Variants in TENM3 observed in about 807,000 individuals in gnomAD.
The protein encoded by TENM3 is teneurin-3.
In TENM3, 63 loss-of-function variants were observed where a neutral mutation model predicts 255.1. The observed-to-expected ratio is 0.25, with a 90% CI of 0.20 to 0.30. The LOEUF is 0.30. Ranked by LOEUF, TENM3 falls within the 10% of genes least tolerant of loss-of-function variation. The probability of loss-of-function intolerance (pLI) is 1.00; values close to 1 mark genes in which losing one functional copy is unlikely to be tolerated. For missense variants in TENM3, 2,929 were observed against 3,461.1 expected, an observed-to-expected ratio of 0.85 and a Z score of 3.86; for synonymous variants, 1,306 against 1,322.3, an observed-to-expected ratio of 0.99 and a Z score of 0.27.
At chr4:182,311,775 G>T (rs1240684431) in intron 1 of TENM3, among the ~76,000 whole-genome samples, 1 of 152,178 alleles carries the variant, frequency 6.6e-6, no homozygotes, top group East Asian at 1.9e-4. Context: ...AATATGCCCA[G>T]CACTTAGGGA....
chr4:182,441,983 AAG>A (rs1772527373), intron 3 of TENM3, among the ~76,000 whole-genome samples: 1 of 152,198 alleles, frequency 6.6e-6, no homozygotes. Context: ...AAGGCAGGAA[AAG>A]AGTATTTACG....
the TENM3 span, among the ~76,000 whole-genome samples, chr4:181,676,140 T>G: frequency 6.6e-6 from 1 of 152,134 alleles, no homozygotes; most frequent in Non-Finnish European, 1.5e-5. Flanking sequence ...AGGGTAGTTT[T>G]GAGCTTCAAA....
At chr4:182,362,104 G>A (rs751342035) in intron 3 of TENM3, among the ~76,000 whole-genome samples, 24 of 152,272 alleles carry the variant, frequency 1.6e-4, no homozygotes, top group Non-Finnish European at 2.2e-4. Flanking sequence ...GTACCCGGCC[G>A]TTTGAGGTGT....
chr4:182,667,698 T>C (rs1037953192), intron 6 of TENM3, among the ~76,000 whole-genome samples: 3 of 151,852 alleles, frequency 2.0e-5, no homozygotes, highest in Admixed American at 2.0e-4. Context: ...GTGTTCTTGG[T>C]AGTCATGAAA....
At chr4:181,962,594 CG>C in the TENM3 span, among the ~76,000 whole-genome samples, 1 of 152,104 alleles carries the variant, frequency 6.6e-6, no homozygotes, top group African/African-American at 2.4e-5. Context: ...CTTAAGAGCT[CG>C]TCGTATTATC....
chr4:182,426,849 T>A (rs1771261927), intron 3 of TENM3, among the ~76,000 whole-genome samples: 1 of 152,154 alleles, frequency 6.6e-6, no homozygotes, highest in East Asian at 1.9e-4. Flanking sequence ...TTCCCAGTCT[T>A]TCCAGACAGA....
intron 1 of TENM3, among the ~76,000 whole-genome samples, chr4:182,216,474 C>T (rs1044138421): frequency 3.3e-5 from 5 of 152,278 alleles, no homozygotes; most frequent in Non-Finnish European, 5.9e-5. Flanking sequence ...TCCTGAAAAG[C>T]AGAAATCATC....
the TENM3 span, among the ~76,000 whole-genome samples, chr4:181,553,335 T>TAC: frequency 2.2e-3 from 309 of 141,008 alleles, 3 homozygotes; most frequent in African/African-American, 7.4e-3. Flanking sequence ...TATATATATA[T>TAC]ACACACACAC....
intron 22 of TENM3, among the ~76,000 whole-genome samples, chr4:182,762,387 T>C (rs184401052): frequency 2.2e-4 from 34 of 152,246 alleles, no homozygotes; most frequent in African/African-American, 8.2e-4. Context: ...CCTTACACGG[T>C]GATTGTCAGA....
Position 182,792,970 on chromosome 4 carries a change from T to C in TENM3, c.6298T>C (p.Tyr2100His). The part of the protein sequence containing the change: ...IQYEIFRSLM[Y>H]WITIQYDNMG... Reference sequence around the variant, plus strand: ...ATATGAGATATTCAGGTCGCTCATGTACTGGATTACAATTCAGTATGATAA... The same window carrying C: ...ATATGAGATATTCAGGTCGCTCATGCACTGGATTACAATTCAGTATGATAA... The change falls in exon 26 of 28, where the codon TAC (tyrosine) becomes CAC (histidine). Residue 2100 changes from tyrosine (Y) to histidine (H), a missense_variant. Around this residue, in one of 6 missense-constraint regions of TENM3, gnomAD observed 256 missense variants for 389.3 expected, o/e 0.66. Transcript: ENST00000511685. This position sits in a 1 kb window ranked among gnomAD's most constrained non-coding sequence, Gnocchi z 6.3. 1.9e-6 allele frequency: 3 copies of C among 1,613,930 alleles called. No individual in the cohort carries two copies. In the African/African-American group the frequency reaches 4.0e-5, roughly 22 times the overall value.
chr4:182,340,895 C>A (rs1764446707), intron 2 of TENM3, among the ~76,000 whole-genome samples: 1 of 152,174 alleles, frequency 6.6e-6, no homozygotes, highest in Non-Finnish European at 1.5e-5. Flanking sequence ...TTAAAGACAG[C>A]TATAGATTGT....
intron 1 of TENM3, among the ~76,000 whole-genome samples, chr4:182,198,635 C>A (rs113294192): frequency 2.6e-5 from 4 of 152,208 alleles, no homozygotes; most frequent in African/African-American, 9.6e-5. Context: ...CAGGAAAAGT[C>A]AGCGGCAATG....
the TENM3 span, among the ~76,000 whole-genome samples, chr4:181,831,505 A>AAG: frequency 9.5e-4 from 145 of 152,052 alleles, 1 homozygote; most frequent in East Asian, 0.024. Context: ...GTGCCAAAAA[A>AAG]AAAAAAACCT....
At chr4:181,568,987 C>T in the TENM3 span, among the ~76,000 whole-genome samples, 2 of 152,162 alleles carry the variant, frequency 1.3e-5, no homozygotes, top group Non-Finnish European at 2.9e-5. Context: ...ACAGAGTTGG[C>T]ACTTAAAAAC....
the TENM3 span, among the ~76,000 whole-genome samples, chr4:181,934,192 T>C: frequency 6.6e-5 from 10 of 152,268 alleles, no homozygotes; most frequent in East Asian, 1.9e-4. Context: ...CATACCTCAG[T>C]TGATTGCTTC....
At chr4:181,997,543 G>T in the TENM3 span, among the ~76,000 whole-genome samples, 3 of 152,110 alleles carry the variant, frequency 2.0e-5, no homozygotes, top group East Asian at 5.8e-4. Flanking sequence ...TGAAAGGCCC[G>T]ATCAAAACAC....
intron 3 of TENM3, among the ~76,000 whole-genome samples, chr4:182,465,270 C>T (rs115066897): frequency 0.028 from 4,324 of 152,156 alleles, 112 homozygotes; most frequent in Admixed American, 0.057. Context: ...TATGTTGAAA[C>T]CTAATCCTCA....
chr4:181,864,838 C>G, the TENM3 span, among the ~76,000 whole-genome samples: 1 of 152,256 alleles, frequency 6.6e-6, no homozygotes, highest in African/African-American at 2.4e-5. Context: ...TTACAGAGGG[C>G]ACCCTCCTTT....
chr4:182,353,966 GA>G (rs33947631), intron 3 of TENM3, among the ~76,000 whole-genome samples: 1,694 of 132,520 alleles, frequency 0.013, 30 homozygotes, highest in African/African-American at 0.033. Flanking sequence ...ACTCCAGCTG[GA>G]AAAAAAAAAA....
Sources: gnomAD v4.1 joint callset for allele counts (sites outside exome capture counted in the v4.1 genomes callset) on GRCh38, gnomAD v4.1.1 for gene constraint, gnomAD v4.1.1 regional missense constraint, Gnocchi (gnomAD v3.1) non-coding constraint, MANE v1.5 for transcripts, NCBI Gene and HGNC (gene_info 2026-07-23, HGNC 2026-07-21) for gene names.